Variants in GTF3C1 observed in about 807,000 individuals in gnomAD.
GTF3C1 encodes general transcription factor IIIC subunit 1, also known as general transcription factor 3C polypeptide 1.
A neutral mutation model predicts 226.7 loss-of-function variants in GTF3C1; 57 were observed. The observed-to-expected ratio is 0.25, with a 90% CI of 0.20 to 0.31. The LOEUF (loss-of-function observed/expected upper bound fraction) is 0.31, where lower values mean the gene tolerates loss of function less well. Ranked by LOEUF, GTF3C1 falls within the 10% of genes least tolerant of loss-of-function variation. The pLI is 1.00. For missense variants in GTF3C1, 2,217 were observed against 2,776.1 expected, an observed-to-expected ratio of 0.80 and a Z score of 4.53; for synonymous variants, 1,090 against 1,084.8, an observed-to-expected ratio of 1.00 and a Z score of -0.09.
chr16:27,530,626 G>T (rs191344159), intron 5 of GTF3C1, among the ~76,000 whole-genome samples: 10 of 152,178 alleles, frequency 6.6e-5, no homozygotes, highest in Admixed American at 6.5e-5. Context: ...ATCACCAGGG[G>T]ATAGTCATGG....
At position 27,463,459 on chromosome 16, in the gene GTF3C1, C is replaced by CA; in HGVS notation, c.5924+81dup. ...GAGCTGGTACCTGGGGAAAGACCCT[C>CA]AAAGACCCTCACACAAATCCTTACA... On this transcript the variant is annotated intron_variant, in intron 35 of 36. Coordinates refer to ENST00000356183, the MANE Select transcript of GTF3C1 (RefSeq NM_001520.4). The surrounding 1 kb of genome is among the most constrained non-coding windows in gnomAD (Gnocchi z 4.9). 1 of 825,118 alleles carries CA rather than the reference C, an allele frequency of 1.2e-6. No individual in the cohort carries two copies. Among genetic ancestry groups the CA allele is most frequent in the Non-Finnish European group, 2.1e-6 (1 of 478,626 alleles). 51.1% of individuals were successfully genotyped at this position (825,118 alleles called of 1,614,324 possible). A position where few individuals can be genotyped will look rare whatever the true frequency, so the allele number is the denominator to read the frequency against.
At chr16:27,510,385 C>CAA (rs936651401) in intron 7 of GTF3C1, among the ~76,000 whole-genome samples, 12 of 140,766 alleles carry the variant, frequency 8.5e-5, no homozygotes, top group African/African-American at 3.1e-4. Flanking sequence ...GACTCCATCT[C>CAA]AAAAAAAAAA....
chr16:27,468,996 G>C (rs544812398), intron 32 of GTF3C1, among the ~76,000 whole-genome samples: 1 of 152,344 alleles, frequency 6.6e-6, no homozygotes, highest in East Asian at 1.9e-4. Flanking sequence ...TGGGGAAGCG[G>C]AAGTGCTCTG....
Position 27,488,298 on chromosome 16 carries a change from C to A in GTF3C1, c.3629G>T (p.Arg1210Met), listed in dbSNP as rs752020636. The A allele has an allele frequency of 6.2e-7, 1 of 1,614,122 alleles. No homozygotes were observed. The highest frequency in any genetic ancestry group is 2.2e-5 in the East Asian group (1 of 44,896). ...CTTCCGCTTCTGGCTTTTCCCACCC[C>A]TCACTCTCCGGTTTCGGTCCAGCGA... ...EPSLDRNRRVRGGKSQKRKRL... is the reference protein window; with the variant it reads ...EPSLDRNRRVMGGKSQKRKRL... The change falls in exon 23 of 37, where the codon AGG becomes ATG. Residue 1210 changes from arginine (R) to methionine (M), a missense_variant. Physicochemically the swap from Arg to Met is moderately conservative, Grantham distance 91 (BLOSUM62 -1). Around this residue, in one of 12 missense-constraint regions of GTF3C1, gnomAD observed 546 missense variants for 663.0 expected, o/e 0.82. Transcript: ENST00000356183.
intron 9 of GTF3C1, among the ~76,000 whole-genome samples, chr16:27,506,458 C>CA (rs1720781279): frequency 6.6e-6 from 1 of 152,088 alleles, no homozygotes; most frequent in South Asian, 2.1e-4. Flanking sequence ...CCAGGGGGCT[C>CA]AGAGCTGGGT....
At position 27,461,512 on chromosome 16, in the gene GTF3C1, C is replaced by A. The variant is rs775647995; in HGVS notation, c.6168G>T (p.Arg2056Ser). 3 of 1,613,878 alleles carry A rather than the reference C, an allele frequency of 1.9e-6. No homozygotes were observed. The highest frequency in any genetic ancestry group is 1.7e-5 in the Admixed American group (1 of 60,014). ...CGGGTGTAGAGAAGAGCGAGACAGG[C>A]CTTGGCTTTCTCAGCCAGCGCTTCC... Reference protein sequence around the residue: ...CIRKRWLRKPRPVSLFSTPVV... With the variant: ...CIRKRWLRKPSPVSLFSTPVV... Residue 2056 changes from arginine (R) to serine (S), a missense_variant, in exon 37 of 37, where the codon AGG becomes AGT. Coordinates refer to ENST00000356183, the MANE Select transcript of GTF3C1 (RefSeq NM_001520.4). This position sits in a 1 kb window ranked among gnomAD's most constrained non-coding sequence, Gnocchi z 5.3.
Position 27,494,781 on chromosome 16 carries a change from A to G in GTF3C1, c.2760T>C (p.Ile920=), listed in dbSNP as rs746118776. ...CCAATACCTTGTAGCTGACTTGCAC[A>G]ATCTGGATGAAGATGGAGAGGGGAA... ...LCLPLSIFIQ[I]VQVSYKVDNL... is the part of the protein sequence containing the mutation. Residue 920 remains isoleucine (I), a synonymous_variant, in exon 16 of 37, where the codon ATT becomes ATC. Transcript: ENST00000356183. 30 of 1,613,040 alleles carry G rather than the reference A, an allele frequency of 1.9e-5. No individual in the cohort carries two copies. Among genetic ancestry groups the G allele is most frequent in the Non-Finnish European group, 2.5e-5 (29 of 1,179,118 alleles).
chr16:27,545,608 C>G, intron 1 of GTF3C1, 85 bp from the exon 2 acceptor site: 1 of 752,484 alleles, frequency 1.3e-6, no homozygotes. Context: ...CAACCTCCAG[C>G]AGAGATCAGA....
In GTF3C1 at chr16:27,549,776, A is replaced by G. The variant is rs781431435; in HGVS notation, c.115T>C (p.Leu39=). Reference sequence around the variant, plus strand: ...AGAAACTCCTGCGTGCAGGGTTCCAAAGGCAGCGGGAAGGGCGGCACTCGC... The same window carrying G: ...AGAAACTCCTGCGTGCAGGGTTCCAGAGGCAGCGGGAAGGGCGGCACTCGC... The part of the protein sequence containing the change: ...ETRVPPFPLP[L]EPCTQEFLWR... The change falls in exon 1 of 37, where the codon TTG becomes CTG. Residue 39 remains leucine, a synonymous_variant. Coordinates refer to ENST00000356183, the MANE Select transcript of GTF3C1 (RefSeq NM_001520.4). The G allele has an allele frequency of 1.2e-5, 19 of 1,612,852 alleles. No homozygotes were observed. The highest frequency in any genetic ancestry group is 1.5e-5 in the Non-Finnish European group (18 of 1,179,864).
chr16:27,489,512 C>A, intron 20 of GTF3C1, 90 bp downstream of exon 20: 2 of 1,033,958 alleles, frequency 1.9e-6, no homozygotes, highest in Non-Finnish European at 2.8e-6. Flanking sequence ...TCTGGCCTGA[C>A]ATCCTAAGCC....
chr16:27,483,252 C>T, intron 25 of GTF3C1, 127 bp from the exon 26 acceptor site: 2 of 851,224 alleles, frequency 2.3e-6, no homozygotes, highest in South Asian at 2.9e-5. Context: ...ACTTATATGC[C>T]TGTTGCACAA....
At position 27,464,309 on chromosome 16, in the gene GTF3C1, G is replaced by T; in HGVS notation, c.5872+11C>A. ...GGGGTGAGGTGGGGTGGGGGACAAG[G>T]CGCGCGGTACCTCTGGGGTCTTCAG... On this transcript the variant is annotated intron_variant, in intron 34 of 36. Coordinates refer to ENST00000356183, the MANE Select transcript of GTF3C1 (RefSeq NM_001520.4). The T allele has an allele frequency of 6.9e-7, 1 of 1,447,334 alleles. No homozygotes were observed. The highest frequency in any genetic ancestry group is 2.7e-5 in the Admixed American group (1 of 37,048). The allele number at this position is 1,447,334 out of a possible 1,614,324, so 89.7% of individuals were successfully genotyped here. A position where few individuals can be genotyped will look rare whatever the true frequency, so the allele number is the denominator to read the frequency against.
In GTF3C1 at chr16:27,470,175, C is replaced by A; in HGVS notation, c.4747G>T (p.Asp1583Tyr). The change falls in exon 31 of 37, where the codon GAT becomes TAT. Residue 1583 changes from aspartate (D) to tyrosine (Y), a missense_variant. This residue lies in a region of GTF3C1 where 546 missense variants were observed against 663.0 expected (regional missense o/e 0.82). Transcript: ENST00000356183. This position sits in a 1 kb window ranked among gnomAD's most constrained non-coding sequence, Gnocchi z 4.9. ...ATGATCTGCTCCGGGATCCTGACATCCACAGAAATGAGGCCCAGAGAGAAG... is the reference window on the plus strand; with the variant it reads ...ATGATCTGCTCCGGGATCCTGACATACACAGAAATGAGGCCCAGAGAGAAG... Reference protein sequence around the residue: ...TLFSLGLISVDVRIPEQIIVV... With the variant: ...TLFSLGLISVYVRIPEQIIVV... 6.2e-7 allele frequency: 1 copy of A among 1,613,916 alleles called. No homozygotes were observed. Among genetic ancestry groups the A allele is most frequent in the Non-Finnish European group, 8.5e-7 (1 of 1,179,762 alleles).
rs1328692535 is a variant in GTF3C1 at position 27,506,986 on chromosome 16, C to T, written c.1413G>A (p.Glu471=). The T allele has an allele frequency of 6.2e-7, 1 of 1,613,756 alleles. No homozygotes were observed. The highest frequency in any genetic ancestry group is 8.5e-7 in the Non-Finnish European group (1 of 1,179,812). ...TGTCCGACTCAGAGAGGAAGGTGTC[C>T]TCGCCTTCAGGCAGAAGCGACTCCT... ...MQEESLLPEG[E]DTFLSESDSE... The change falls in exon 9 of 37, where the codon GAG becomes GAA. Residue 471 remains glutamate, a synonymous_variant. Transcript: ENST00000356183.
In GTF3C1 at chr16:27,471,635, C is replaced by A. The variant is rs552040374; in HGVS notation, c.4526+113G>T. The stretch of plus-strand genomic sequence containing the variant: ...AGCCGGCATCTTGCACATGAGGCTG[C>A]GAAGGTCCCTGGCTCCTACACGCTT... On this transcript the variant is annotated intron_variant, in intron 30 of 36. Coordinates refer to ENST00000356183, the MANE Select transcript of GTF3C1 (RefSeq NM_001520.4). The surrounding 1 kb of genome is among the most constrained non-coding windows in gnomAD (Gnocchi z 5.0). 44 of 817,386 alleles carry A rather than the reference C, an allele frequency of 5.4e-5. No homozygotes were observed. Among genetic ancestry groups the A allele is most frequent in the African/African-American group, 1.0e-4 (6 of 58,826 alleles). The allele number at this position is 817,386 out of a possible 1,614,324, so 50.6% of individuals were successfully genotyped here. A position where few individuals can be genotyped will look rare whatever the true frequency, so the allele number is the denominator to read the frequency against.
At chr16:27,513,224 G>A (rs146620413) in intron 6 of GTF3C1, among the ~76,000 whole-genome samples, 2 of 152,250 alleles carry the variant, frequency 1.3e-5, no homozygotes, top group East Asian at 1.9e-4. Flanking sequence ...AGGCCAAAGC[G>A]GGGAGGATCA....
At position 27,528,682 on chromosome 16, in the gene GTF3C1, T is replaced by A; in HGVS notation, c.889A>T (p.Met297Leu). ...ACCTTGGCTAGCCCGGCGTTCAGCATATACTGGTACAGACGCTTAAACGTC... is the reference window on the plus strand; with the variant it reads ...ACCTTGGCTAGCCCGGCGTTCAGCAAATACTGGTACAGACGCTTAAACGTC... The part of the protein sequence containing the change: ...ERTFKRLYQY[M>L]LNAGLAKVVS... The change falls in exon 6 of 37, where the codon ATG becomes TTG. Residue 297 changes from methionine to leucine, a missense_variant. Met to Leu is a conservative substitution (Grantham distance 15). Around this residue, in one of 12 missense-constraint regions of GTF3C1, gnomAD observed 163 missense variants for 234.3 expected, o/e 0.70. Coordinates refer to ENST00000356183, the MANE Select transcript of GTF3C1 (RefSeq NM_001520.4). 6.2e-7 allele frequency: 1 copy of A among 1,613,376 alleles called. No homozygotes were observed. Among genetic ancestry groups the A allele is most frequent in the Non-Finnish European group, 8.5e-7 (1 of 1,179,286 alleles).
At chr16:27,541,705 T>G (rs954237730) in intron 2 of GTF3C1, among the ~76,000 whole-genome samples, 9 of 152,126 alleles carry the variant, frequency 5.9e-5, no homozygotes, top group Non-Finnish European at 1.3e-4. Context: ...AGCACGAGGA[T>G]TGCCTTGAGA....
intron 5 of GTF3C1, among the ~76,000 whole-genome samples, chr16:27,529,168 G>C (rs1329596617): frequency 6.6e-6 from 1 of 152,196 alleles, no homozygotes; most frequent in Non-Finnish European, 1.5e-5. Flanking sequence ...TACAGGCTGG[G>C]TGCAGTGGCT....
Sources: gnomAD v4.1 joint callset for allele counts (sites outside exome capture counted in the v4.1 genomes callset) on GRCh38, gnomAD v4.1.1 for gene constraint, gnomAD v4.1.1 regional missense constraint, Gnocchi (gnomAD v3.1) non-coding constraint, MANE v1.5 for transcripts, NCBI Gene and HGNC (gene_info 2026-07-23, HGNC 2026-07-21) for gene names.